The following MAGI2 variants were observed in gnomAD, a reference collection of about 807,000 sequenced individuals.
MAGI2 encodes the protein membrane-associated guanylate kinase, WW and PDZ domain-containing protein 2.
MAGI2 carries 35 observed loss-of-function variants against 133.3 expected under a neutral mutation model. That is an observed-to-expected ratio of 0.26 (90% CI 0.20 to 0.35). The LOEUF (loss-of-function observed/expected upper bound fraction) is 0.35. Ranked by LOEUF, MAGI2 falls within the 10% of genes least tolerant of loss-of-function variation. MAGI2 has a pLI of 1.00. For synonymous variants in MAGI2, 729 were observed against 710.6 expected, an observed-to-expected ratio of 1.03 and a Z score of -0.41; for missense variants, 1,636 against 1,863.4, an observed-to-expected ratio of 0.88 and a Z score of 2.25.
chr7:79,186,751 G>GTA (rs67211187), intron 1 of MAGI2, among the ~76,000 whole-genome samples: 3,804 of 129,074 alleles, frequency 0.029, 115 homozygotes, highest in African/African-American at 0.051. Flanking sequence ...TTATACAAAA[G>GTA]TATATATATA....
intron 1 of MAGI2, among the ~76,000 whole-genome samples, chr7:79,033,556 A>AG (rs1279990572): frequency 1.3e-5 from 2 of 152,224 alleles, no homozygotes; most frequent in African/African-American, 4.8e-5. Context: ...AATACTCCAA[A>AG]GGAGATTACT....
At chr7:78,310,055 T>C (rs1223911693) in intron 9 of MAGI2, among the ~76,000 whole-genome samples, 1 of 152,120 alleles carries the variant, frequency 6.6e-6, no homozygotes, top group African/African-American at 2.4e-5. Flanking sequence ...TAATCTTCCA[T>C]AAAAGCAAAA....
intron 2 of MAGI2, among the ~76,000 whole-genome samples, chr7:78,865,703 T>C (rs910588049): frequency 6.6e-6 from 1 of 152,214 alleles, no homozygotes; most frequent in African/African-American, 2.4e-5. Flanking sequence ...AGCATTTTGT[T>C]ATGAAGAATG....
intron 6 of MAGI2, among the ~76,000 whole-genome samples, chr7:78,477,686 A>G (rs960640139): frequency 1.3e-5 from 2 of 151,966 alleles, no homozygotes; most frequent in African/African-American, 4.8e-5. Context: ...CCATGACTCA[A>G]TTATTTCCAC....
chr7:79,439,979 C>T (rs906970958), intron 1 of MAGI2, among the ~76,000 whole-genome samples: 2 of 152,036 alleles, frequency 1.3e-5, no homozygotes, highest in African/African-American at 4.8e-5. Context: ...TGAAATAGCA[C>T]CAATAAAGAT....
chr7:78,402,570 A>G (rs62468763), intron 6 of MAGI2, among the ~76,000 whole-genome samples: 46,840 of 152,144 alleles, frequency 0.31, 7,698 homozygotes, highest in Middle Eastern at 0.42. Flanking sequence ...ATGGTGTTAC[A>G]AAGTTTATGA....
In MAGI2 at chr7:78,486,027, G is replaced by A. The variant is rs551324792; in HGVS notation, c.1045+3734C>T. On this transcript the variant is annotated intron_variant, in intron 6 of 21. Transcript: ENST00000354212. ...ATTCTCAAAAGGGAACCCTGGAGAG[G>A]TGAAGGAAGAATTTGCAGCTGCTCT... is the stretch of plus-strand genomic sequence containing the variant. 10 of 152,222 alleles carry A rather than the reference G, an allele frequency of 6.6e-5. No homozygotes were observed. The East Asian group carries it at 1.9e-3, about 30-fold the overall frequency. The allele number at this position is 152,222 out of a possible 1,614,324, so 9.4% of individuals were successfully genotyped here.
At chr7:78,524,284 G>T (rs1335523320) in intron 3 of MAGI2, among the ~76,000 whole-genome samples, 1 of 152,174 alleles carries the variant, frequency 6.6e-6, no homozygotes, top group African/African-American at 2.4e-5. Context: ...TGGAATGCTG[G>T]CAGGTAGAAA....
chr7:79,104,297 G>A (rs1818252986), intron 1 of MAGI2, among the ~76,000 whole-genome samples: 2 of 152,066 alleles, frequency 1.3e-5, no homozygotes, highest in Non-Finnish European at 2.9e-5. Context: ...AGCTTCGGAG[G>A]GATGGGGACC....
At chr7:79,233,990 G>A (rs1435797146) in intron 1 of MAGI2, among the ~76,000 whole-genome samples, 1 of 144,400 alleles carries the variant, frequency 6.9e-6, no homozygotes, top group African/African-American at 2.5e-5. Flanking sequence ...GGCAGGCCTG[G>A]TGGTGACAAA....
At chr7:79,027,925 G>A (rs893388675) in intron 1 of MAGI2, among the ~76,000 whole-genome samples, 1 of 151,924 alleles carries the variant, frequency 6.6e-6, no homozygotes, top group African/African-American at 2.4e-5. Context: ...TTGGCAGCAA[G>A]GCAGAGAGGA....
At chr7:78,028,748 G>A (rs748244053) in intron 21 of MAGI2, among the ~76,000 whole-genome samples, 10 of 151,392 alleles carry the variant, frequency 6.6e-5, no homozygotes, top group Admixed American at 1.3e-4. Context: ...CCAGCTACTC[G>A]GGAGGCAGGA....
intron 1 of MAGI2, among the ~76,000 whole-genome samples, chr7:79,210,696 A>T (rs79180570): frequency 0.055 from 8,352 of 152,084 alleles, 614 homozygotes; most frequent in African/African-American, 0.16. Context: ...ATTTCATTCT[A>T]CTTCCAGCTC....
At chr7:78,612,826 C>G (rs914532275) in intron 3 of MAGI2, among the ~76,000 whole-genome samples, 1 of 151,948 alleles carries the variant, frequency 6.6e-6, no homozygotes, top group East Asian at 1.9e-4. Flanking sequence ...CCCGCCACCA[C>G]GCCCGGCTAA....
intron 9 of MAGI2, among the ~76,000 whole-genome samples, chr7:78,296,282 T>C (rs1318561137): frequency 6.6e-6 from 1 of 152,210 alleles, no homozygotes; most frequent in Non-Finnish European, 1.5e-5. Context: ...ATCATCTCTG[T>C]AATCTCACCC....
chr7:78,499,625 A>C (rs1325914135), intron 5 of MAGI2, among the ~76,000 whole-genome samples: 1 of 147,320 alleles, frequency 6.8e-6, no homozygotes, highest in East Asian at 2.0e-4. Context: ...TTAAAAGAGG[A>C]AAGTTTACTT....
intron 20 of MAGI2, among the ~76,000 whole-genome samples, chr7:78,096,528 A>G (rs1342525237): frequency 6.6e-6 from 1 of 152,230 alleles, no homozygotes; most frequent in Non-Finnish European, 1.5e-5. Flanking sequence ...AATTGGGGTT[A>G]TCTTCTTTAT....
intron 9 of MAGI2, among the ~76,000 whole-genome samples, chr7:78,266,620 C>G (rs1273746297): frequency 6.6e-6 from 1 of 151,906 alleles, no homozygotes; most frequent in Non-Finnish European, 1.5e-5. Context: ...CTCTGTCACC[C>G]AGGCTGGAGT....
intron 1 of MAGI2, among the ~76,000 whole-genome samples, chr7:79,218,180 A>T (rs1348750586): frequency 1.3e-5 from 2 of 151,998 alleles, no homozygotes; most frequent in African/African-American, 4.8e-5. Flanking sequence ...TGAGCCTGTC[A>T]TTCCTCTGGG....
Sources: gnomAD v4.1 joint callset for allele counts (sites outside exome capture counted in the v4.1 genomes callset) on GRCh38, gnomAD v4.1.1 for gene constraint, MANE v1.5 for transcripts, NCBI Gene and HGNC (gene_info 2026-07-23, HGNC 2026-07-21) for gene names.